The following COL28A1 variants were observed in gnomAD, a reference collection of about 807,000 sequenced individuals.
The protein encoded by COL28A1 is collagen type XXVIII alpha 1 chain.
COL28A1 carries 161 observed loss-of-function variants against 150.2 expected under a neutral mutation model. That is an observed-to-expected ratio of 1.07 (90% CI 0.94 to 1.22). The LOEUF (loss-of-function observed/expected upper bound fraction) is 1.22. Among genes scored for constraint, COL28A1 ranks in the 50% most tolerant of loss-of-function variants. The probability of loss-of-function intolerance (pLI) is 0.00; values close to 1 mark genes in which losing one functional copy is unlikely to be tolerated. For missense variants in COL28A1, 1,617 were observed against 1,388.3 expected (o/e 1.16, Z -2.62); for synonymous variants, 552 against 469.7 (o/e 1.18, Z -2.26).
chr7:7,445,355 C>T (rs951725833), intron 18 of COL28A1, among the ~76,000 whole-genome samples: 1 of 152,072 alleles, frequency 6.6e-6, no homozygotes, highest in African/African-American at 2.4e-5. Flanking sequence ...TTGACAGACA[C>T]CCTGAGAAGC....
intron 3 of COL28A1, among the ~76,000 whole-genome samples, chr7:7,530,855 C>T (rs144290443): frequency 1.3e-5 from 2 of 152,174 alleles, no homozygotes; most frequent in African/African-American, 2.4e-5. Context: ...CTTTGAGTAG[C>T]ATAATGTAAC....
At chr7:7,496,788 G>C (rs1474283701) in intron 11 of COL28A1, among the ~76,000 whole-genome samples, 1 of 152,106 alleles carries the variant, frequency 6.6e-6, no homozygotes, top group Admixed American at 6.5e-5. Flanking sequence ...ACATTACAAA[G>C]ATGTTTTAGC....
At chr7:7,434,647 C>G (rs1327005082) in intron 23 of COL28A1, among the ~76,000 whole-genome samples, 1 of 152,178 alleles carries the variant, frequency 6.6e-6, no homozygotes, top group African/African-American at 2.4e-5. Context: ...TACAAACATC[C>G]TTTTTATAGA....
At chr7:7,511,063 G>A (rs773817164) in intron 9 of COL28A1, 28 bp downstream of exon 9, 2 of 1,599,870 alleles carry the variant, frequency 1.3e-6, no homozygotes, top group South Asian at 1.1e-5. Flanking sequence ...GATCACAGCT[G>A]TAAGCAGTTT....
intron 11 of COL28A1, among the ~76,000 whole-genome samples, chr7:7,496,242 G>T (rs1318475574): frequency 6.6e-6 from 1 of 152,148 alleles, no homozygotes; most frequent in Non-Finnish European, 1.5e-5. Context: ...AGACTGTGGG[G>T]ATGATGCATA....
chr7:7,528,653 T>A (rs563299162), intron 3 of COL28A1, among the ~76,000 whole-genome samples: 1 of 152,324 alleles, frequency 6.6e-6, no homozygotes, highest in South Asian at 2.1e-4. Flanking sequence ...AAATAATACA[T>A]ACTATTTGAG....
At chr7:7,522,917 A>G (rs1781815803) in intron 4 of COL28A1, among the ~76,000 whole-genome samples, 1 of 150,608 alleles carries the variant, frequency 6.6e-6, no homozygotes. Flanking sequence ...CCTGGGCTGC[A>G]TGTAGCCTGT....
intron 11 of COL28A1, among the ~76,000 whole-genome samples, chr7:7,500,159 T>C (rs537936280): frequency 1.1e-4 from 16 of 152,224 alleles, no homozygotes; most frequent in Non-Finnish European, 1.8e-4. Context: ...CCACAACTCA[T>C]TGCCATCTCC....
At chr7:7,428,411 G>A (rs1285338429) in intron 25 of COL28A1, among the ~76,000 whole-genome samples, 3 of 152,158 alleles carry the variant, frequency 2.0e-5, no homozygotes, top group Admixed American at 1.3e-4. Flanking sequence ...GGAGAGCCAC[G>A]TCTTATATTC....
intron 11 of COL28A1, among the ~76,000 whole-genome samples, chr7:7,499,325 A>T (rs1449592736): frequency 6.6e-6 from 1 of 152,016 alleles, no homozygotes; most frequent in African/African-American, 2.4e-5. Context: ...AGCAGTCACA[A>T]CCCTTGTTCA....
chr7:7,425,679 T>C (rs73674553), intron 25 of COL28A1, among the ~76,000 whole-genome samples: 5,306 of 152,292 alleles, frequency 0.035, 295 homozygotes, highest in African/African-American at 0.12. Context: ...CCACTAATTA[T>C]ATTTGAATTT....
intron 27 of COL28A1, among the ~76,000 whole-genome samples, chr7:7,384,609 T>C (rs1782075604): frequency 6.6e-6 from 1 of 152,128 alleles, no homozygotes; most frequent in Admixed American, 6.5e-5. Flanking sequence ...TAGGTATGTG[T>C]ATATAGAAAA....
chr7:7,463,447 A>G (rs1787804707), intron 15 of COL28A1, among the ~76,000 whole-genome samples: 1 of 152,218 alleles, frequency 6.6e-6, no homozygotes, highest in East Asian at 1.9e-4. Context: ...TATAAAGGAA[A>G]ACCTATCAGA....
chr7:7,350,873 AAAT>A, the COL28A1 span, among the ~76,000 whole-genome samples: 4 of 152,196 alleles, frequency 2.6e-5, no homozygotes, highest in African/African-American at 9.6e-5. Flanking sequence ...TAGCATTTAC[AAAT>A]AATGTCAAGA....
chr7:7,372,563 C>G (rs1490209926), intron 32 of COL28A1, among the ~76,000 whole-genome samples: 1 of 152,152 alleles, frequency 6.6e-6, no homozygotes, highest in Non-Finnish European at 1.5e-5. Context: ...TTTCTCATCT[C>G]TTTAGATGAC....
At chr7:7,353,607 A>G (rs775371820), downstream of COL28A1, among the ~76,000 whole-genome samples, 3 of 152,190 alleles carry the variant, frequency 2.0e-5, no homozygotes, top group Non-Finnish European at 2.9e-5. Context: ...CTCAATTGGT[A>G]GAGATGAGAG....
chr7:7,429,411 C>T (rs1448584923), intron 25 of COL28A1, among the ~76,000 whole-genome samples: 1 of 136,842 alleles, frequency 7.3e-6, no homozygotes, highest in Non-Finnish European at 1.5e-5. Context: ...ATCTCCCTCT[C>T]TCTCTCTCTC....
intron 21 of COL28A1, among the ~76,000 whole-genome samples, chr7:7,440,198 T>C (rs1234134834): frequency 6.6e-6 from 1 of 152,206 alleles, no homozygotes; most frequent in Admixed American, 6.5e-5. Context: ...GATCCCCTAC[T>C]TCCCATTTCA....
At position 7,432,625 on chromosome 7, in the gene COL28A1, C is replaced by T. The variant is rs372842222; in HGVS notation, c.1929+7G>A. 1 of 1,613,820 alleles carries T rather than the reference C, an allele frequency of 6.2e-7. No individual in the cohort carries two copies. The highest frequency in any genetic ancestry group is 8.5e-7 in the Non-Finnish European group (1 of 1,179,900). On this transcript the variant is annotated splice_region_variant and intron_variant, in intron 24 of 34. Coordinates refer to ENST00000399429, the MANE Select transcript of COL28A1 (RefSeq NM_001037763.3). ...GGAGGGAGGGAAGAAAAAAATGTCC[C>T]ACTTACAGGCACACCAGGATAGCCA... is the stretch of plus-strand genomic sequence containing the variant.
Sources: gnomAD v4.1 joint callset for allele counts (sites outside exome capture counted in the v4.1 genomes callset) on GRCh38, gnomAD v4.1.1 for gene constraint, MANE v1.5 for transcripts, NCBI Gene and HGNC (gene_info 2026-07-23, HGNC 2026-07-21) for gene names.